Variants in SMCO2 observed in about 807,000 individuals in gnomAD.
The protein encoded by SMCO2 is single-pass membrane and coiled-coil domain-containing protein 2.
In SMCO2, 25 loss-of-function variants were observed where a neutral mutation model predicts 29.5. The observed-to-expected ratio is 0.85, with a 90% CI of 0.62 to 1.18. The LOEUF (loss-of-function observed/expected upper bound fraction) is 1.18, where lower values mean the gene tolerates loss of function less well. Ranked by LOEUF, SMCO2 falls within the 50% of genes most tolerant of loss-of-function variation. The pLI, the probability that SMCO2 is intolerant of heterozygous loss-of-function variation, is 0.00. For missense variants in SMCO2, 348 were observed against 344.5 expected, an observed-to-expected ratio of 1.01 and a Z score of -0.08; for synonymous variants, 117 against 123.3, an observed-to-expected ratio of 0.95 and a Z score of 0.34.
At chr12:27,486,050 A>G (rs1351682296) in intron 4 of SMCO2, among the ~76,000 whole-genome samples, 1 of 152,222 alleles carries the variant, frequency 6.6e-6, no homozygotes, top group Non-Finnish European at 1.5e-5. Flanking sequence ...CTTGAGTATT[A>G]TAAGAGTTTT....
the SMCO2 span, among the ~76,000 whole-genome samples, chr12:27,440,594 A>C: frequency 6.6e-6 from 1 of 152,062 alleles, no homozygotes; most frequent in African/African-American, 2.4e-5. Context: ...GAGGCAACTA[A>C]AAGTCAAAAT....
chr12:27,461,560 G>A, the SMCO2 span, among the ~76,000 whole-genome samples: 1 of 152,166 alleles, frequency 6.6e-6, no homozygotes, highest in South Asian at 2.1e-4. Flanking sequence ...AAAATATTTT[G>A]GATCCACAGA....
intron 5 of SMCO2, among the ~76,000 whole-genome samples, chr12:27,492,767 A>C (rs1942937052): frequency 6.6e-6 from 1 of 152,228 alleles, no homozygotes; most frequent in Admixed American, 6.5e-5. Flanking sequence ...TGTAGAAAGC[A>C]GTATGGCGAT....
the SMCO2 span, among the ~76,000 whole-genome samples, chr12:27,441,068 G>A: frequency 6.6e-6 from 1 of 151,942 alleles, no homozygotes; most frequent in Non-Finnish European, 1.5e-5. Context: ...GACCAGCCTG[G>A]GCAACATGGC....
intron 2 of SMCO2, among the ~76,000 whole-genome samples, chr12:27,471,572 T>C (rs747692534): frequency 3.3e-5 from 5 of 152,154 alleles, no homozygotes; most frequent in Non-Finnish European, 5.9e-5. Flanking sequence ...TCCAGCAAAA[T>C]ATTAATAAGG....
chr12:27,475,506 A>G, intron 4 of SMCO2, 76 bp from the exon 5 acceptor site: 1 of 1,428,794 alleles, frequency 7.0e-7, no homozygotes, highest in East Asian at 2.6e-5. Context: ...TCGCTATTCA[A>G]AGGAAGAGCA....
At chr12:27,471,322 G>A (rs1949539306) in intron 2 of SMCO2, among the ~76,000 whole-genome samples, 1 of 152,120 alleles carries the variant, frequency 6.6e-6, no homozygotes, top group South Asian at 2.1e-4. Context: ...ACTTTGGGCA[G>A]TTTTTCATAT....
chr12:27,441,551 A>G, the SMCO2 span, among the ~76,000 whole-genome samples: 1 of 152,210 alleles, frequency 6.6e-6, no homozygotes, highest in Non-Finnish European at 1.5e-5. Flanking sequence ...ATAAACATCT[A>G]TGCACCTAAC....
the SMCO2 span, among the ~76,000 whole-genome samples, chr12:27,450,310 C>A: frequency 6.6e-6 from 1 of 152,144 alleles, no homozygotes; most frequent in Non-Finnish European, 1.5e-5. Flanking sequence ...CTGCCCCCAC[C>A]CCCCACCAAC....
chr12:27,498,416 A>T (rs1242320694), intron 7 of SMCO2: 3 of 215,568 alleles, frequency 1.4e-5, no homozygotes, highest in Admixed American at 9.3e-5. Context: ...TCTATATATG[A>T]GCTGGCAGCT....
chr12:27,479,486 A>G (rs1337006169), intron 4 of SMCO2, among the ~76,000 whole-genome samples: 1 of 152,206 alleles, frequency 6.6e-6, no homozygotes, highest in Non-Finnish European at 1.5e-5. Context: ...AAGAGATAGC[A>G]CCAATAGGAT....
At chr12:27,426,789 C>T in the SMCO2 span, among the ~76,000 whole-genome samples, 542 of 152,214 alleles carry the variant, frequency 3.6e-3, 4 homozygotes, top group African/African-American at 0.012. Flanking sequence ...AATGGGAAAG[C>T]GTTAAGTACC....
intron 3 of SMCO2, 193 bp downstream of exon 3, chr12:27,473,068 C>A: frequency 2.0e-6 from 1 of 509,014 alleles, no homozygotes; most frequent in South Asian, 2.8e-5. Context: ...GCTGCTGTTA[C>A]CACATGAAGG....
intron 7 of SMCO2, among the ~76,000 whole-genome samples, chr12:27,500,295 T>C (rs907914511): frequency 6.6e-5 from 10 of 150,388 alleles, no homozygotes; most frequent in Admixed American, 6.6e-4. Context: ...TGAATTTAAC[T>C]GTACCAAGAG....
chr12:27,489,697 A>G (rs1222811921), intron 5 of SMCO2, among the ~76,000 whole-genome samples: 1 of 152,216 alleles, frequency 6.6e-6, no homozygotes, highest in Admixed American at 6.5e-5. Flanking sequence ...TTTAACTGAT[A>G]TAGTCCAACA....
chr12:27,436,861 C>A, the SMCO2 span, among the ~76,000 whole-genome samples: 1 of 152,206 alleles, frequency 6.6e-6, no homozygotes. Flanking sequence ...AGCCAGTTGT[C>A]TTGCCCATTC....
At chr12:27,472,457 T>C (rs1209307482) in intron 2 of SMCO2, among the ~76,000 whole-genome samples, 1 of 152,188 alleles carries the variant, frequency 6.6e-6, no homozygotes, top group South Asian at 2.1e-4. Flanking sequence ...TAAAACAGGA[T>C]ATTAATTTAC....
the SMCO2 span, among the ~76,000 whole-genome samples, chr12:27,436,671 GCTCCATCCA>G: frequency 6.6e-6 from 1 of 152,184 alleles, no homozygotes; most frequent in African/African-American, 2.4e-5. Flanking sequence ...GTAAAGGAAT[GCTCCATCCA>G]CTCCATCCAC....
intron 7 of SMCO2, 65 bp from the exon 9 acceptor site, chr12:27,501,858 C>A: frequency 7.8e-7 from 1 of 1,282,424 alleles, no homozygotes; most frequent in Non-Finnish European, 1.0e-6. Context: ...GGTGGAGGTG[C>A]CAGGAGCCTA....
Sources: gnomAD v4.1 joint callset for allele counts (sites outside exome capture counted in the v4.1 genomes callset) on GRCh38, gnomAD v4.1.1 for gene constraint, MANE v1.5 for transcripts, NCBI Gene and HGNC (gene_info 2026-07-23, HGNC 2026-07-21) for gene names.